The following URGCP variants were observed in gnomAD, a reference collection of about 807,000 sequenced individuals.
The protein encoded by URGCP is up-regulator of cell proliferation.
In URGCP, 13 loss-of-function variants were observed where a neutral mutation model predicts 24.6. That is an observed-to-expected ratio of 0.53 (90% CI 0.34 to 0.84). The LOEUF (loss-of-function observed/expected upper bound fraction) is 0.84. URGCP is among the 40% of genes least tolerant of loss of function. The pLI is 0.01. For synonymous variants in URGCP, 444 were observed against 487.2 expected, an observed-to-expected ratio of 0.91 and a Z score of 1.17; for missense variants, 899 against 1,194.3, an observed-to-expected ratio of 0.75 and a Z score of 3.64.
At chr7:43,900,314 G>A (rs1244998786) in intron 1 of URGCP, among the ~76,000 whole-genome samples, 1 of 151,218 alleles carries the variant, frequency 6.6e-6, no homozygotes, top group Non-Finnish European at 1.5e-5. Flanking sequence ...AATTAGCCAG[G>A]CATGGTGGTG....
In URGCP at chr7:43,878,805, A is replaced by G. The variant is rs2132648876; in HGVS notation, c.658T>C (p.Ser220Pro). The G allele has an allele frequency of 3.1e-6, 5 of 1,614,098 alleles. No individual in the cohort carries two copies. The East Asian group carries it at 1.1e-4, about 36-fold the overall frequency. ...QFALPLVLPD[S>P]ENHYHTFLLW... ...AGAAATGTATGGTAGTGGTTCTCCG[A>G]GTCAGGCAACACGAGTGGGAGTGCA... Residue 220 changes from serine to proline, a missense_variant, in exon 6 of 6, where the codon TCG becomes CCG. Ser to Pro is a moderately conservative substitution (Grantham distance 74). Coordinates refer to ENST00000453200, the MANE Select transcript of URGCP (RefSeq NM_001077663.3). The surrounding 1 kb of genome is among the most constrained non-coding windows in gnomAD (Gnocchi z 5.6).
chr7:43,925,300 A>T (rs542007438), intron 1 of URGCP, among the ~76,000 whole-genome samples: 9 of 152,262 alleles, frequency 5.9e-5, no homozygotes, highest in African/African-American at 2.2e-4. Flanking sequence ...CATAGAGGTG[A>T]CCATGTGTCT....
At chr7:43,899,242 A>T (rs1378414324) in intron 1 of URGCP, among the ~76,000 whole-genome samples, 1 of 147,684 alleles carries the variant, frequency 6.8e-6, no homozygotes, top group Non-Finnish European at 1.5e-5. Flanking sequence ...TATATAATAA[A>T]AAATGTTTAA....
intron 1 of URGCP, chr7:43,905,793 T>G (rs1241952508): frequency 6.6e-6 from 1 of 152,206 alleles, no homozygotes; most frequent in African/African-American, 2.4e-5. Flanking sequence ...CAAATTTCAG[T>G]ACTAGTAAAA....
At chr7:43,918,612 G>A (rs1353467861) in intron 1 of URGCP, 3 of 538,262 alleles carry the variant, frequency 5.6e-6, no homozygotes, top group Non-Finnish European at 6.8e-6. Context: ...AGAGCGCTCA[G>A]CTTAATTAAA....
chr7:43,919,290 G>A (rs963102744), intron 1 of URGCP: 11 of 822,090 alleles, frequency 1.3e-5, no homozygotes, highest in Admixed American at 8.5e-5. Context: ...GATGCAGAAC[G>A]CAGACTGTGT....
intron 3 of URGCP, among the ~76,000 whole-genome samples, chr7:43,883,397 G>A (rs2095857691): frequency 8.2e-6 from 1 of 121,238 alleles, no homozygotes. Context: ...GTCTTGCTGT[G>A]TTGCCCAGAC....
chr7:43,878,129 C>A lies in URGCP; in HGVS notation c.1334G>T (p.Arg445Leu). Residue 445 changes from arginine (R) to leucine (L), a missense_variant, in exon 6 of 6, where the codon CGG becomes CTG. Coordinates refer to ENST00000453200, the MANE Select transcript of URGCP (RefSeq NM_001077663.3). This position sits in a 1 kb window ranked among gnomAD's most constrained non-coding sequence, Gnocchi z 5.6. ...VGNVLRAPCR[R>L]VSVEDMAHAA... Reference sequence around the variant, plus strand: ...GTGCGCCATGTCCTCCACAGATACCCGCCTGCAGGGTGCCCGCAGCACATT... The same window carrying A: ...GTGCGCCATGTCCTCCACAGATACCAGCCTGCAGGGTGCCCGCAGCACATT... 2 of 1,614,262 alleles carry A rather than the reference C, an allele frequency of 1.2e-6. No homozygotes were observed. Among genetic ancestry groups the A allele is most frequent in the Non-Finnish European group, 1.7e-6 (2 of 1,180,056 alleles).
At position 43,877,237 on chromosome 7, in the gene URGCP, G is replaced by C; in HGVS notation, c.2226C>G (p.Asp742Glu). The C allele has an allele frequency of 1.9e-6, 3 of 1,614,110 alleles. No individual in the cohort carries two copies. Among genetic ancestry groups the C allele is most frequent in the Non-Finnish European group, 2.5e-6 (3 of 1,180,014 alleles). The change falls in exon 6 of 6, where the codon GAC becomes GAG. Residue 742 changes from aspartate (D) to glutamate (E), a missense_variant. Physicochemically the swap from Asp to Glu is conservative, Grantham distance 45. Transcript: ENST00000453200. ...LITVAEGFSQ[D>E]LGCDHILVID... The stretch of plus-strand genomic sequence containing the variant: ...TCACCAGGATGTGGTCACAGCCCAG[G>C]TCCTGGCTGAAGCCCTCAGCCACTG...
At chr7:43,909,087 A>G (rs1010115123), upstream of URGCP, among the ~76,000 whole-genome samples, 2 of 152,162 alleles carry the variant, frequency 1.3e-5, no homozygotes, top group Admixed American at 1.3e-4. Context: ...ATCAATGATT[A>G]TTTCCTTATG....
At chr7:43,900,469 C>CAAAAAAAAAAAAAAAAAAAAAAAAA (rs759728715) in intron 1 of URGCP, among the ~76,000 whole-genome samples, 1 of 114,490 alleles carries the variant, frequency 8.7e-6, no homozygotes, top group Non-Finnish European at 1.8e-5. Flanking sequence ...AAAACCAAAA[C>CAAAAAAAAAAAAAAAAAAAAAAAAA]AAAAAAAAAA....
upstream of URGCP, among the ~76,000 whole-genome samples, chr7:43,907,697 T>G (rs1244414733): frequency 6.6e-6 from 1 of 152,148 alleles, no homozygotes; most frequent in Non-Finnish European, 1.5e-5. Flanking sequence ...AGTTCCTTAT[T>G]TGAAAAATAA....
rs1210958242 is a variant in URGCP, at chr7:43,876,310, CT to C, written c.*356del. On this transcript the variant is annotated 3_prime_UTR_variant, in exon 6 of 6. Transcript: ENST00000453200. Reference sequence around the variant, plus strand: ...CTCTGTCCTGGGACCACCTGCCCGCCTGGGCCTGCAGTGACTAAGGACGCTG... The same window carrying C: ...CTCTGTCCTGGGACCACCTGCCCGCCGGGCCTGCAGTGACTAAGGACGCTG... The C allele has an allele frequency of 8.7e-6, 2 of 230,214 alleles. No homozygotes were observed. Among genetic ancestry groups the C allele is most frequent in the Non-Finnish European group, 8.5e-6 (1 of 117,106 alleles). 14.3% of individuals were successfully genotyped at this position (230,214 alleles called of 1,614,324 possible).
chr7:43,913,762 G>A (rs539778928), intron 1 of URGCP, among the ~76,000 whole-genome samples: 177 of 152,176 alleles, frequency 1.2e-3, no homozygotes, highest in African/African-American at 3.9e-3. Context: ...GCAGTGGCAT[G>A]ATCTTGGCTC....
intron 1 of URGCP, 38 bp from the exon 2 acceptor site, chr7:43,887,854 A>G (rs1248336241): frequency 7.3e-7 from 1 of 1,364,612 alleles, no homozygotes; most frequent in Non-Finnish European, 1.0e-6. Flanking sequence ...AAAGATGTTG[A>G]TGCCAGCTTT....
upstream of URGCP, among the ~76,000 whole-genome samples, chr7:43,909,158 G>T (rs2095907325): frequency 6.6e-6 from 1 of 152,084 alleles, no homozygotes; most frequent in East Asian, 1.9e-4. Context: ...AGGCTCTTCT[G>T]AAACATATAT....
At chr7:43,916,723 C>CA (rs1487669324) in intron 1 of URGCP, among the ~76,000 whole-genome samples, 3 of 134,466 alleles carry the variant, frequency 2.2e-5, no homozygotes, top group African/African-American at 8.2e-5. Flanking sequence ...CCCCCCCCCC[C>CA]ACATAACATG....
intron 1 of URGCP, chr7:43,919,462 G>A (rs1211970126): frequency 1.0e-6 from 1 of 978,058 alleles, no homozygotes; most frequent in Admixed American, 1.7e-5. Flanking sequence ...GACCTCATAG[G>A]CCTCATCGCC....
intron 1 of URGCP, 56 bp downstream of exon 1, chr7:43,906,506 C>G: frequency 8.5e-7 from 1 of 1,179,452 alleles, no homozygotes; most frequent in Non-Finnish European, 1.1e-6. Context: ...CTCCGGGTCC[C>G]GCTCCCGTTC....
Sources: allele counts gnomAD v4.1 joint callset (sites outside exome capture counted in the v4.1 genomes callset), GRCh38; gene constraint gnomAD v4.1.1; non-coding constraint Gnocchi (gnomAD v3.1); transcripts MANE v1.5; gene names NCBI Gene and HGNC (gene_info 2026-07-23, HGNC 2026-07-21).